Variants in RBPJ observed in about 807,000 individuals in gnomAD.
RBPJ encodes the protein recombining binding protein suppressor of hairless.
RBPJ carries 9 observed loss-of-function variants against 67.8 expected under a neutral mutation model. The observed-to-expected ratio is 0.13, with a 90% CI of 0.08 to 0.23. RBPJ has a LOEUF of 0.23. Ranked by LOEUF, RBPJ falls within the 10% of genes least tolerant of loss-of-function variation. The probability of loss-of-function intolerance (pLI) is 1.00; values close to 1 mark genes in which losing one functional copy is unlikely to be tolerated. For synonymous variants in RBPJ, 198 were observed against 203.3 expected (o/e 0.97, Z 0.22); for missense variants, 305 against 595.6 (o/e 0.51, Z 5.08).
At chr4:26,324,725 C>T (rs1034907430) in intron 1 of RBPJ, among the ~76,000 whole-genome samples, 1 of 151,978 alleles carries the variant, frequency 6.6e-6, no homozygotes, top group Non-Finnish European at 1.5e-5. Flanking sequence ...CATGGGGTTT[C>T]GCCATGTTGG....
chr4:26,297,533 G>C (rs1454536165), intron 1 of RBPJ, among the ~76,000 whole-genome samples: 3 of 152,028 alleles, frequency 2.0e-5, no homozygotes, highest in Non-Finnish European at 4.4e-5. Context: ...TTCATTACCT[G>C]TTACCTTTTT....
chr4:26,263,978 G>A (rs1461473051), intron 1 of RBPJ, among the ~76,000 whole-genome samples: 1 of 151,362 alleles, frequency 6.6e-6, no homozygotes. Context: ...AGGTTTAAGC[G>A]ATTCTCCTGT....
At chr4:26,295,273 T>TGTGTGTGTGTGG (rs1224590501) in intron 1 of RBPJ, among the ~76,000 whole-genome samples, 3 of 149,088 alleles carry the variant, frequency 2.0e-5, no homozygotes, top group African/African-American at 7.5e-5. Context: ...TGTGTGTGGG[T>TGTGTGTGTGTGG]GTGTGTGTGT....
chr4:26,113,457 A>G, the RBPJ span: 2 of 552,442 alleles, frequency 3.6e-6, no homozygotes, highest in Admixed American at 2.1e-5. Flanking sequence ...CACCTTACCA[A>G]CCATCAGCAA....
intron 1 of RBPJ, among the ~76,000 whole-genome samples, chr4:26,210,727 C>CTTTCCTTCTTTACTTCTTTA (rs1718371547): frequency 1.5e-4 from 9 of 61,846 alleles, no homozygotes; most frequent in East Asian, 1.4e-3. Flanking sequence ...TTCTTTCTTT[C>CTTTCCTTCTTTACTTCTTTA]CTTCTTTACT....
intron 1 of RBPJ, among the ~76,000 whole-genome samples, chr4:26,379,353 C>G (rs1310414835): frequency 6.6e-6 from 1 of 152,220 alleles, no homozygotes; most frequent in East Asian, 1.9e-4. Flanking sequence ...GTGTGCAACA[C>G]TGTATTAGTT....
In RBPJ at chr4:26,433,327, C is replaced by T. The variant is rs1418491635; in HGVS notation, c.*2320C>T. 1 of 152,160 alleles carries T rather than the reference C, an allele frequency of 6.6e-6. No homozygotes were observed. Among genetic ancestry groups the T allele is most frequent in the African/African-American group, 2.4e-5 (1 of 41,430 alleles). The allele number at this position is 152,160 out of a possible 1,614,324, so 9.4% of individuals were successfully genotyped here. ...ACAGTGCTTTTGTTCAGAGCATGGA[C>T]ATGTTCCTAGTGCTGCTTTGCTTTA... On this transcript the variant is annotated 3_prime_UTR_variant, in exon 11 of 11. Coordinates refer to ENST00000355476, the MANE Select transcript of RBPJ (RefSeq NM_015874.6).
the RBPJ span, among the ~76,000 whole-genome samples, chr4:26,141,924 A>C: frequency 0.022 from 3,329 of 152,336 alleles, 125 homozygotes; most frequent in African/African-American, 0.076. Context: ...CAAATAAGGC[A>C]AAAAGCTGTG....
intron 1 of RBPJ, among the ~76,000 whole-genome samples, chr4:26,171,404 A>C (rs1045458044): frequency 1.3e-5 from 2 of 152,050 alleles, no homozygotes; most frequent in Non-Finnish European, 2.9e-5. Context: ...CTGCACAATA[A>C]AAAAAAGTCT....
At chr4:26,341,638 A>C (rs1028002722) in intron 1 of RBPJ, among the ~76,000 whole-genome samples, 23 of 152,146 alleles carry the variant, frequency 1.5e-4, no homozygotes, top group Middle Eastern at 3.4e-3. Context: ...CAAAACAAAA[A>C]AAAACCAAAC....
At chr4:26,265,825 T>G (rs1163360687) in intron 1 of RBPJ, among the ~76,000 whole-genome samples, 1 of 151,878 alleles carries the variant, frequency 6.6e-6, no homozygotes, top group Non-Finnish European at 1.5e-5. Context: ...GATCACGAGG[T>G]CAGGAGTTCA....
intron 1 of RBPJ, among the ~76,000 whole-genome samples, chr4:26,294,852 G>A (rs1721807730): frequency 6.6e-6 from 1 of 151,566 alleles, no homozygotes; most frequent in Non-Finnish European, 1.5e-5. Context: ...CTCCAGCCTG[G>A]GAGACACAGC....
At chr4:26,268,986 C>T (rs1198848865) in intron 1 of RBPJ, among the ~76,000 whole-genome samples, 1 of 152,128 alleles carries the variant, frequency 6.6e-6, no homozygotes, top group Non-Finnish European at 1.5e-5. Flanking sequence ...CTCTTTTTCT[C>T]TAATATTCGG....
chr4:26,191,208 TATAG>T (rs1376997878), intron 1 of RBPJ, among the ~76,000 whole-genome samples: 541 of 27,220 alleles, frequency 0.02, 4 homozygotes, highest in Non-Finnish European at 0.03. Context: ...TATATATATA[TATAG>T]AGAGAGAGAG....
At chr4:26,150,229 G>A in the RBPJ span, among the ~76,000 whole-genome samples, 2 of 152,104 alleles carry the variant, frequency 1.3e-5, no homozygotes, top group African/African-American at 2.4e-5. Context: ...TCCCTATCAC[G>A]TGTTGCACAA....
chr4:26,200,216 T>A (rs1717935056), intron 1 of RBPJ, among the ~76,000 whole-genome samples: 3 of 152,248 alleles, frequency 2.0e-5, no homozygotes. Flanking sequence ...GTCACAGTTA[T>A]GACACAAAAC....
chr4:26,226,715 A>G (rs1719088291), intron 1 of RBPJ, among the ~76,000 whole-genome samples: 1 of 151,928 alleles, frequency 6.6e-6, no homozygotes, highest in African/African-American at 2.4e-5. Flanking sequence ...TGTGTGGTTA[A>G]CTCATTTATC....
intron 1 of RBPJ, among the ~76,000 whole-genome samples, chr4:26,168,168 C>T (rs1231098090): frequency 9.9e-5 from 15 of 151,654 alleles, no homozygotes; most frequent in Admixed American, 5.9e-4. Flanking sequence ...TTCCTAGTCT[C>T]GATGGTCTTT....
the RBPJ span, among the ~76,000 whole-genome samples, chr4:26,136,626 T>A: frequency 6.6e-6 from 1 of 152,132 alleles, no homozygotes. Flanking sequence ...CTGACAACAA[T>A]TTAGATTACT....
Sources: allele counts gnomAD v4.1 joint callset (sites outside exome capture counted in the v4.1 genomes callset), GRCh38; gene constraint gnomAD v4.1.1; transcripts MANE v1.5; gene names NCBI Gene and HGNC (gene_info 2026-07-23, HGNC 2026-07-21).